The following SH3KBP1 variants were observed in gnomAD, a reference collection of about 807,000 sequenced individuals.
SH3KBP1 encodes SH3 domain-containing kinase-binding protein 1.
In SH3KBP1, 8 loss-of-function variants were observed where a neutral mutation model predicts 50.1. That is an observed-to-expected ratio of 0.16 (90% CI 0.09 to 0.29). The LOEUF (loss-of-function observed/expected upper bound fraction) is 0.29, where lower values mean the gene tolerates loss of function less well. SH3KBP1 is among the 10% of genes least tolerant of loss of function. The pLI, the probability that SH3KBP1 is intolerant of heterozygous loss-of-function variation, is 1.00. For missense variants in SH3KBP1, 377 were observed against 535.2 expected (o/e 0.70, Z 2.92); for synonymous variants, 227 against 218.6 (o/e 1.04, Z -0.34).
intron 2 of SH3KBP1, among the ~76,000 whole-genome samples, chrX:19,753,052 C>A (rs188743179): frequency 8.5e-4 from 95 of 111,940 alleles, no homozygotes; most frequent in African/African-American, 3.0e-3. Flanking sequence ...CTCCTGTCAC[C>A]AACAGTATTG....
chrX:19,807,124 T>C (rs2067070417), intron 2 of SH3KBP1, among the ~76,000 whole-genome samples: 1 of 112,343 alleles, frequency 8.9e-6, no homozygotes, highest in African/African-American at 3.2e-5. Flanking sequence ...TTGCACTGGA[T>C]AAATGATGCA....
At chrX:19,575,584 A>G (rs1468562995) in intron 12 of SH3KBP1, among the ~76,000 whole-genome samples, 1 of 111,642 alleles carries the variant, frequency 9.0e-6, no homozygotes, top group East Asian at 2.8e-4. Context: ...CACAGGCTTA[A>G]GTTGAAATGA....
intron 6 of SH3KBP1, among the ~76,000 whole-genome samples, chrX:19,656,962 T>G (rs1173430478): frequency 8.9e-6 from 1 of 111,976 alleles, no homozygotes; most frequent in Non-Finnish European, 1.9e-5. Flanking sequence ...AATGGGAAAT[T>G]TCTTTCCCCA....
At chrX:19,812,059 C>A (rs1429716928) in intron 2 of SH3KBP1, among the ~76,000 whole-genome samples, 3 of 111,646 alleles carry the variant, frequency 2.7e-5, no homozygotes, top group Non-Finnish European at 5.6e-5. Flanking sequence ...TGGTTTGACT[C>A]GGACAACTTC....
intron 7 of SH3KBP1, among the ~76,000 whole-genome samples, chrX:19,637,274 A>G (rs1267453647): frequency 8.9e-6 from 1 of 112,419 alleles, no homozygotes; most frequent in African/African-American, 3.2e-5. Context: ...TTATCACCCA[A>G]TGAGTAATAA....
At chrX:19,876,582 CA>C (rs2069260410) in intron 1 of SH3KBP1, among the ~76,000 whole-genome samples, 1 of 110,884 alleles carries the variant, frequency 9.0e-6, no homozygotes, top group Non-Finnish European at 1.9e-5. Context: ...CCCAGCTAGA[CA>C]GAAGTTCACC....
chrX:19,543,776 C>T (rs1471998721), intron 15 of SH3KBP1, among the ~76,000 whole-genome samples: 1 of 110,508 alleles, frequency 9.0e-6, no homozygotes, highest in African/African-American at 3.3e-5. Flanking sequence ...GCGGGGGAGG[C>T]CTGATGGAGA....
intron 9 of SH3KBP1, among the ~76,000 whole-genome samples, chrX:19,597,921 T>C (rs921303449): frequency 8.9e-6 from 1 of 112,943 alleles, no homozygotes; most frequent in Non-Finnish European, 1.9e-5. Context: ...GGAAAATCTG[T>C]TGTTTAGTGT....
intron 7 of SH3KBP1, among the ~76,000 whole-genome samples, chrX:19,642,327 T>C (rs1219549239): frequency 1.8e-5 from 2 of 111,874 alleles, no homozygotes; most frequent in East Asian, 5.6e-4. Flanking sequence ...GATCTAATGA[T>C]AGCAACAAGG....
chrX:19,677,116 C>T (rs977587647), intron 6 of SH3KBP1, among the ~76,000 whole-genome samples: 42 of 111,906 alleles, frequency 3.8e-4, no homozygotes, highest in African/African-American at 1.3e-3. Context: ...AGCTAGGACA[C>T]GGAATGAGCT....
At chrX:19,684,863 A>G (rs1038080453) in intron 5 of SH3KBP1, among the ~76,000 whole-genome samples, 6 of 112,117 alleles carry the variant, frequency 5.4e-5, no homozygotes, top group Non-Finnish European at 9.4e-5. Context: ...TATTAGCAAG[A>G]CAACATGGAC....
intron 5 of SH3KBP1, among the ~76,000 whole-genome samples, chrX:19,686,134 G>A (rs1440599792): frequency 9.0e-6 from 1 of 111,668 alleles, no homozygotes; most frequent in Non-Finnish European, 1.9e-5. Flanking sequence ...AGCATGGCCC[G>A]GGAAGGAAAC....
intron 1 of SH3KBP1, among the ~76,000 whole-genome samples, chrX:19,840,388 A>G (rs1281160245): frequency 8.9e-6 from 1 of 112,871 alleles, no homozygotes; most frequent in African/African-American, 3.2e-5. Context: ...CATCAATTGC[A>G]TGTTGAAGTG....
At chrX:19,725,835 C>T (rs1273307121) in intron 3 of SH3KBP1, among the ~76,000 whole-genome samples, 2 of 112,452 alleles carry the variant, frequency 1.8e-5, no homozygotes, top group African/African-American at 3.2e-5. Flanking sequence ...AGAAAAGAAA[C>T]CTGGGCCCTG....
In SH3KBP1 at chrX:19,719,279, T is replaced by A. The variant is rs73631367; in HGVS notation, c.287-12295A>T. The stretch of plus-strand genomic sequence containing the variant: ...GGCGATGCCACTGCACCACTCTAGA[T>A]CCCTATGTGGACCCCAGGTGCCATA... On this transcript the variant is annotated intron_variant, in intron 3 of 17. Coordinates refer to ENST00000397821, the MANE Select transcript of SH3KBP1 (RefSeq NM_031892.3). 5.0e-3 allele frequency among the ~76,000 whole-genome samples: 557 copies of A among 111,121 alleles called. 2 individuals carry two copies. The highest frequency in any genetic ancestry group is 0.017 in the African/African-American group (515 of 30,467).
intron 5 of SH3KBP1, among the ~76,000 whole-genome samples, chrX:19,695,243 C>A (rs1167474016): frequency 1.8e-5 from 2 of 111,701 alleles, no homozygotes; most frequent in African/African-American, 6.5e-5. Flanking sequence ...TTCTCCAAGT[C>A]CCTCAAGGGA....
At chrX:19,877,355 C>T (rs1445968863) in intron 1 of SH3KBP1, among the ~76,000 whole-genome samples, 2 of 111,702 alleles carry the variant, frequency 1.8e-5, no homozygotes, top group South Asian at 3.7e-4. Context: ...ACCCAGAACA[C>T]CCTGGTGAAG....
chrX:19,706,400 C>T (rs949270094), intron 4 of SH3KBP1, among the ~76,000 whole-genome samples: 2 of 110,665 alleles, frequency 1.8e-5, no homozygotes, highest in African/African-American at 3.3e-5. Context: ...TTCCTCATCC[C>T]GCACAATAAA....
chrX:19,719,058 G>A (rs762897082), intron 3 of SH3KBP1, among the ~76,000 whole-genome samples: 2 of 111,603 alleles, frequency 1.8e-5, no homozygotes, highest in African/African-American at 6.5e-5. Flanking sequence ...TCATTCAGCC[G>A]TGGGGGCCCC....
Sources: gnomAD v4.1 joint callset for allele counts (sites outside exome capture counted in the v4.1 genomes callset) on GRCh38, gnomAD v4.1.1 for gene constraint, MANE v1.5 for transcripts, NCBI Gene and HGNC (gene_info 2026-07-23, HGNC 2026-07-21) for gene names.